KCNK9: variants seen among roughly 807,000 people sequenced by gnomAD.
KCNK9 encodes the protein potassium channel subfamily K member 9.
Under a neutral mutation model 10.8 loss-of-function variants are expected in KCNK9, and 1 was observed. That is an observed-to-expected ratio of 0.09 (90% CI 0.03 to 0.44). The LOEUF is 0.44. Among genes scored for constraint, KCNK9 ranks in the 20% least tolerant of loss-of-function variants. The probability of loss-of-function intolerance (pLI) is 0.97; values close to 1 mark genes in which losing one functional copy is unlikely to be tolerated. For missense variants in KCNK9, 303 were observed against 515.0 expected (o/e 0.59, Z 3.98); for synonymous variants, 231 against 222.7 (o/e 1.04, Z -0.33).
Position 139,645,430 on chromosome 8 carries a change from G to A in KCNK9, c.284-26331C>T, listed in dbSNP as rs183155172. 4.6e-4 allele frequency among the ~76,000 whole-genome samples: 70 copies of A among 152,242 alleles called. 1 individual carries two copies. In the East Asian group the frequency reaches 0.013, roughly 28 times the overall value. On this transcript the variant is annotated intron_variant, in intron 1 of 1. Transcript: ENST00000520439. Reference sequence around the variant, plus strand: ...GAGGGGCCTTCAGGGTCCAGGTAGGGAGGAGAGGAAGTTGGCATAGTCAGG... The same window carrying A: ...GAGGGGCCTTCAGGGTCCAGGTAGGAAGGAGAGGAAGTTGGCATAGTCAGG...
In KCNK9 at chr8:139,656,466, C is replaced by T. The variant is rs543242181; in HGVS notation, c.284-37367G>A. Among the ~76,000 whole-genome samples, 22 of 152,246 alleles carry T rather than the reference C, an allele frequency of 1.4e-4. No homozygotes were observed. The East Asian group carries it at 1.5e-3, about 11-fold the overall frequency. ...GAGTGCCCTTCCCCACTGTCCTGGG[C>T]GCGCTTGCCTCTCCCTCACAATCTG... On this transcript the variant is annotated intron_variant, in intron 1 of 1. Coordinates refer to ENST00000520439, the MANE Select transcript of KCNK9 (RefSeq NM_001282534.2).
At chr8:139,652,576 C>T (rs561724079) in intron 1 of KCNK9, among the ~76,000 whole-genome samples, 1 of 152,288 alleles carries the variant, frequency 6.6e-6, no homozygotes, top group East Asian at 1.9e-4. Context: ...CGCCAGCCTG[C>T]CCTGGCGCTC....
At chr8:139,680,911 T>G (rs1023543555) in intron 1 of KCNK9, among the ~76,000 whole-genome samples, 3 of 152,062 alleles carry the variant, frequency 2.0e-5, no homozygotes, top group African/African-American at 7.2e-5. Context: ...AGCCTGGGGC[T>G]CTCTCCAGCC....
At chr8:139,630,209 C>T (rs951514465) in intron 1 of KCNK9, among the ~76,000 whole-genome samples, 1 of 152,120 alleles carries the variant, frequency 6.6e-6, no homozygotes, top group African/African-American at 2.4e-5. Context: ...TTTTGCAACG[C>T]GCATTTTACC....
intron 1 of KCNK9, among the ~76,000 whole-genome samples, chr8:139,661,974 G>A (rs749974392): frequency 6.6e-6 from 1 of 152,230 alleles, no homozygotes; most frequent in Admixed American, 6.5e-5. Flanking sequence ...TCCTCAAGTG[G>A]TGGCTTGGGG....
At chr8:139,614,594 C>T (rs1277129687), downstream of KCNK9, among the ~76,000 whole-genome samples, 1 of 152,200 alleles carries the variant, frequency 6.6e-6, no homozygotes, top group Admixed American at 6.5e-5. Flanking sequence ...GTGGAAAGAA[C>T]AGATCTGATA....
chr8:139,698,521 C>A (rs1175415885), intron 1 of KCNK9, among the ~76,000 whole-genome samples: 1 of 152,254 alleles, frequency 6.6e-6, no homozygotes, highest in Non-Finnish European at 1.5e-5. Flanking sequence ...GAACATACCC[C>A]CTGCATGTGC....
At chr8:139,673,531 A>G (rs1219263420) in intron 1 of KCNK9, among the ~76,000 whole-genome samples, 1 of 152,210 alleles carries the variant, frequency 6.6e-6, no homozygotes, top group African/African-American at 2.4e-5. Flanking sequence ...AGCATCCCTG[A>G]CAGTGTGGCT....
At chr8:139,613,719 T>C (rs971745411), downstream of KCNK9, among the ~76,000 whole-genome samples, 3 of 152,198 alleles carry the variant, frequency 2.0e-5, no homozygotes, top group African/African-American at 7.2e-5. Flanking sequence ...AGGAGCTCAG[T>C]GGAGCACAGC....
intron 1 of KCNK9, among the ~76,000 whole-genome samples, chr8:139,649,801 T>C (rs1042730613): frequency 2.0e-5 from 3 of 152,230 alleles, no homozygotes; most frequent in African/African-American, 7.2e-5. Flanking sequence ...GAATATTTAC[T>C]GAGCACCTAA....
intron 2 of KCNK9, among the ~76,000 whole-genome samples, chr8:139,602,776 A>G (rs560596595): frequency 4.6e-5 from 7 of 152,362 alleles, no homozygotes; most frequent in African/African-American, 1.7e-4. Flanking sequence ...AGAGGTGCTC[A>G]CGTGAGAAGG....
intron 1 of KCNK9, among the ~76,000 whole-genome samples, chr8:139,630,984 A>G (rs990248634): frequency 2.0e-5 from 3 of 152,232 alleles, no homozygotes; most frequent in Non-Finnish European, 4.4e-5. Flanking sequence ...CCTGTGCCTC[A>G]GGGGCTCCGC....
At chr8:139,640,310 C>G (rs972413404) in intron 1 of KCNK9, among the ~76,000 whole-genome samples, 2 of 152,236 alleles carry the variant, frequency 1.3e-5, no homozygotes, top group Non-Finnish European at 2.9e-5. Flanking sequence ...TTACCTGCCT[C>G]TCATCCTACC....
At chr8:139,652,446 C>A (rs1563736214) in intron 1 of KCNK9, among the ~76,000 whole-genome samples, 1 of 152,250 alleles carries the variant, frequency 6.6e-6, no homozygotes, top group South Asian at 2.1e-4. Context: ...CACCTGGTCA[C>A]CCTGAGGCAC....
At chr8:139,671,113 C>T (rs1042433403) in intron 1 of KCNK9, among the ~76,000 whole-genome samples, 22 of 152,238 alleles carry the variant, frequency 1.4e-4, no homozygotes, top group Admixed American at 9.8e-4. Context: ...CAGAAGGAAG[C>T]GTAACCACAA....
chr8:139,674,335 G>A (rs977031675), intron 1 of KCNK9, among the ~76,000 whole-genome samples: 4 of 152,218 alleles, frequency 2.6e-5, no homozygotes, highest in African/African-American at 4.8e-5. Flanking sequence ...CCCCAGAACC[G>A]GGCCCTGCCA....
At chr8:139,648,953 C>A (rs1374269519) in intron 1 of KCNK9, among the ~76,000 whole-genome samples, 1 of 152,200 alleles carries the variant, frequency 6.6e-6, no homozygotes, top group African/African-American at 2.4e-5. Flanking sequence ...GGGAAGAAAG[C>A]CACTGGACGC....
rs114055311 is a variant in KCNK9, at chr8:139,668,025, G to A, written c.283+34685C>T. ...ACTGTGTTTCTTACCAATTGAGTTTGTGGCAACCCTGCAGCAAGCAAGTCT... is the reference window on the plus strand; with the variant it reads ...ACTGTGTTTCTTACCAATTGAGTTTATGGCAACCCTGCAGCAAGCAAGTCT... On this transcript the variant is annotated intron_variant, in intron 1 of 1. Coordinates refer to ENST00000520439, the MANE Select transcript of KCNK9 (RefSeq NM_001282534.2). Among the ~76,000 whole-genome samples the A allele has an allele frequency of 6.3e-3, 961 of 152,266 alleles. 9 individuals are homozygous for A. The highest frequency in any genetic ancestry group is 0.022 in the African/African-American group (914 of 41,558).
In KCNK9 at chr8:139,623,852, G is replaced by A. The variant is rs7005865; in HGVS notation, c.284-4753C>T. Among the ~76,000 whole-genome samples, 385 of 152,286 alleles carry A rather than the reference G, an allele frequency of 2.5e-3. 6 individuals carry two copies. Among genetic ancestry groups the A allele is most frequent in the African/African-American group, 9.1e-3 (380 of 41,538 alleles). ...AGGAGGGACACACAGGGCACTAAAG[G>A]TAGAGATAATGAAACCAGGACTCCC... On this transcript the variant is annotated intron_variant, in intron 1 of 1. Transcript: ENST00000520439.
Sources: allele counts gnomAD v4.1 joint callset (sites outside exome capture counted in the v4.1 genomes callset), GRCh38; gene constraint gnomAD v4.1.1; transcripts MANE v1.5; gene names NCBI Gene and HGNC (gene_info 2026-07-23, HGNC 2026-07-21).